The following L3MBTL3 variants were observed in gnomAD, a reference collection of about 807,000 sequenced individuals.
L3MBTL3 encodes lethal(3)malignant brain tumor-like protein 3.
In L3MBTL3, 27 loss-of-function variants were observed where a neutral mutation model predicts 102.3. That is an observed-to-expected ratio of 0.26 (90% CI 0.19 to 0.36). L3MBTL3 has a LOEUF of 0.36. Ranked by LOEUF, L3MBTL3 falls within the 10% of genes least tolerant of loss-of-function variation. The pLI is 1.00. For synonymous variants in L3MBTL3, 340 were observed against 320.9 expected (o/e 1.06, Z -0.64); for missense variants, 798 against 955.3 (o/e 0.84, Z 2.17).
chr6:130,031,929 T>G (rs1779750188), intron 2 of L3MBTL3, among the ~76,000 whole-genome samples: 1 of 152,140 alleles, frequency 6.6e-6, no homozygotes, highest in South Asian at 2.1e-4. Flanking sequence ...TTCTTTTTTT[T>G]GAGATAGAGC....
At chr6:130,074,400 T>G (rs182608792) in intron 13 of L3MBTL3, among the ~76,000 whole-genome samples, 2 of 152,342 alleles carry the variant, frequency 1.3e-5, no homozygotes, top group African/African-American at 4.8e-5. Flanking sequence ...TTACTGATAG[T>G]TGGTAGCTGT....
chr6:130,136,404 TC>T (rs1481273537), intron 22 of L3MBTL3, among the ~76,000 whole-genome samples: 2 of 152,138 alleles, frequency 1.3e-5, no homozygotes, highest in East Asian at 1.9e-4. Context: ...TCCTTGCTCT[TC>T]CTCTGATTGT....
chr6:130,088,170 C>T (rs772970462), intron 16 of L3MBTL3, among the ~76,000 whole-genome samples: 1 of 152,102 alleles, frequency 6.6e-6, no homozygotes, highest in Non-Finnish European at 1.5e-5. Flanking sequence ...CCCAGAAATA[C>T]TGGCTGTGAG....
intron 22 of L3MBTL3, among the ~76,000 whole-genome samples, chr6:130,134,791 G>A (rs550807654): frequency 2.6e-5 from 4 of 152,314 alleles, no homozygotes; most frequent in African/African-American, 9.6e-5. Context: ...GTTAAGAACA[G>A]CACACTTTCC....
chr6:130,125,383 T>C lies in L3MBTL3; in HGVS notation c.1966+4425T>C, dbSNP rs563437868. Among the ~76,000 whole-genome samples the C allele has an allele frequency of 2.4e-3, 368 of 152,318 alleles. 3 individuals are homozygous for C. Among genetic ancestry groups the C allele is most frequent in the South Asian group, 0.023 (110 of 4,820 alleles). On this transcript the variant is annotated intron_variant, in intron 20 of 22. Coordinates refer to ENST00000361794, the MANE Select transcript of L3MBTL3 (RefSeq NM_032438.4). Reference sequence around the variant, plus strand: ...AGCCTATTTTTTGTTTTATAGAGTTTATTTCCCCTTGTGCATTGCTAACGT... The same window carrying C: ...AGCCTATTTTTTGTTTTATAGAGTTCATTTCCCCTTGTGCATTGCTAACGT...
At chr6:130,092,934 T>G in intron 17 of L3MBTL3, 75 bp downstream of exon 17, 1 of 886,494 alleles carries the variant, frequency 1.1e-6, no homozygotes, top group Non-Finnish European at 1.9e-6. Flanking sequence ...TCCTTAGCCC[T>G]TTCTTTTTCT....
Position 130,104,485 on chromosome 6 carries a change from G to T in L3MBTL3, c.1796G>T (p.Arg599Leu). The T allele has an allele frequency of 1.3e-6, 2 of 1,599,034 alleles. No individual in the cohort carries two copies. The highest frequency in any genetic ancestry group is 1.7e-6 in the Non-Finnish European group (2 of 1,172,930). Reference protein sequence around the residue: ...NLNKDRIFPDRLSGEMPPASP... With the variant: ...NLNKDRIFPDLLSGEMPPASP... ...AATAAAGACCGTATTTTTCCAGACCGCTTAAGTGGTGAGATGCCTCCGGCT... is the reference window on the plus strand; with the variant it reads ...AATAAAGACCGTATTTTTCCAGACCTCTTAAGTGGTGAGATGCCTCCGGCT... The change falls in exon 19 of 23, where the codon CGC becomes CTC. Residue 599 changes from arginine (R) to leucine (L), a missense_variant. Around this residue, in one of 4 missense-constraint regions of L3MBTL3, gnomAD observed 306 missense variants for 314.4 expected, o/e 0.97. Coordinates refer to ENST00000361794, the MANE Select transcript of L3MBTL3 (RefSeq NM_032438.4).
intron 13 of L3MBTL3, among the ~76,000 whole-genome samples, chr6:130,077,390 C>A (rs1204885546): frequency 6.6e-6 from 1 of 151,938 alleles, no homozygotes; most frequent in Non-Finnish European, 1.5e-5. Context: ...CCTAGCAGTG[C>A]TTGGTTTTTT....
At chr6:130,126,520 G>A (rs1786619671) in intron 20 of L3MBTL3, among the ~76,000 whole-genome samples, 1 of 152,182 alleles carries the variant, frequency 6.6e-6, no homozygotes, top group Non-Finnish European at 1.5e-5. Context: ...TTATTGTCTT[G>A]TTTCTCCTGA....
At chr6:130,080,084 G>A (rs570189210) in intron 14 of L3MBTL3, among the ~76,000 whole-genome samples, 5 of 151,748 alleles carry the variant, frequency 3.3e-5, no homozygotes, top group African/African-American at 9.7e-5. Context: ...GTGAGACCCT[G>A]TCTCTATAAA....
chr6:130,032,030 C>T (rs1051892544), intron 2 of L3MBTL3, among the ~76,000 whole-genome samples: 3 of 152,030 alleles, frequency 2.0e-5, no homozygotes, highest in Admixed American at 1.3e-4. Context: ...CCACCTGCTC[C>T]GCCTCCCGAG....
chr6:130,082,841 A>G (rs985562344), intron 14 of L3MBTL3, among the ~76,000 whole-genome samples: 1 of 152,222 alleles, frequency 6.6e-6, no homozygotes, highest in East Asian at 1.9e-4. Context: ...GTCTGTTTAT[A>G]TATTGAAAAC....
intron 10 of L3MBTL3, among the ~76,000 whole-genome samples, chr6:130,065,299 A>G (rs1190330124): frequency 1.3e-5 from 2 of 152,312 alleles, no homozygotes; most frequent in Admixed American, 6.5e-5. Flanking sequence ...ATATGTATGC[A>G]TATGTGTGTA....
chr6:130,119,173 A>T (rs547433204), intron 19 of L3MBTL3, among the ~76,000 whole-genome samples: 16 of 152,168 alleles, frequency 1.1e-4, no homozygotes, highest in Non-Finnish European at 1.8e-4. Flanking sequence ...TTAAAAAAAA[A>T]ATATCAACTA....
At chr6:130,111,196 G>A (rs1218753359) in intron 19 of L3MBTL3, among the ~76,000 whole-genome samples, 1 of 152,184 alleles carries the variant, frequency 6.6e-6, no homozygotes, top group African/African-American at 2.4e-5. Flanking sequence ...CAGACAGCCA[G>A]AAAAAGCTTA....
chr6:130,091,908 T>TA (rs1381977684), intron 16 of L3MBTL3, among the ~76,000 whole-genome samples: 1 of 151,302 alleles, frequency 6.6e-6, no homozygotes, highest in Non-Finnish European at 1.5e-5. Flanking sequence ...GGCGCAAAAA[T>TA]AGAGTTAGAT....
intron 10 of L3MBTL3, among the ~76,000 whole-genome samples, chr6:130,064,910 A>G (rs900256851): frequency 6.6e-6 from 1 of 152,168 alleles, no homozygotes; most frequent in Non-Finnish European, 1.5e-5. Context: ...GCTGTAAATT[A>G]CTATAGGGCT....
intron 8 of L3MBTL3, among the ~76,000 whole-genome samples, chr6:130,055,817 C>T (rs1051345831): frequency 6.6e-6 from 1 of 151,504 alleles, no homozygotes; most frequent in African/African-American, 2.4e-5. Context: ...TGTTCCCTCT[C>T]AAAACATGAG....
chr6:130,030,789 G>C (rs1002527212), intron 2 of L3MBTL3, among the ~76,000 whole-genome samples: 4 of 151,740 alleles, frequency 2.6e-5, no homozygotes, highest in Admixed American at 2.0e-4. Flanking sequence ...CAACTGTCTT[G>C]GAAGGTAAAA....
Sources: allele counts gnomAD v4.1 joint callset (sites outside exome capture counted in the v4.1 genomes callset), GRCh38; gene constraint gnomAD v4.1.1; regional missense constraint gnomAD v4.1.1; transcripts MANE v1.5; gene names NCBI Gene and HGNC (gene_info 2026-07-23, HGNC 2026-07-21).